The following RBM44 variants were observed in gnomAD, a reference collection of about 807,000 sequenced individuals.
The protein encoded by RBM44 is RNA binding motif protein 44.
RBM44 carries 66 observed loss-of-function variants against 105.1 expected under a neutral mutation model. The observed-to-expected ratio is 0.63, with a 90% CI of 0.52 to 0.77. The LOEUF (loss-of-function observed/expected upper bound fraction) is 0.77, where lower values mean the gene tolerates loss of function less well. RBM44 is among the 30% of genes least tolerant of loss of function. The pLI is 0.00. For missense variants in RBM44, 1,122 were observed against 1,207.8 expected, an observed-to-expected ratio of 0.93 and a Z score of 1.05; for synonymous variants, 365 against 417.6, an observed-to-expected ratio of 0.87 and a Z score of 1.54.
At chr2:237,805,646 C>G (rs1386809676) in intron 1 of RBM44, among the ~76,000 whole-genome samples, 2 of 152,106 alleles carry the variant, frequency 1.3e-5, no homozygotes, top group African/African-American at 4.8e-5. Context: ...CAAAAATTAA[C>G]TGAAAATGAA....
Position 237,842,598 on chromosome 2 carries a change from A to C in RBM44, c.*782A>C, listed in dbSNP as rs1051024455. On this transcript the variant is annotated 3_prime_UTR_variant, in exon 16 of 16. Transcript: ENST00000316997. ...TATCTGATAGAAATATAGAATAGAT[A>C]GTTCTTTAATTGCTTACTTTTTAAA... The C allele has an allele frequency of 9.2e-5, 14 of 152,252 alleles. No individual in the cohort carries two copies. The highest frequency in any genetic ancestry group is 3.3e-4 in the Admixed American group (5 of 15,296). 9.4% of individuals were successfully genotyped at this position (152,252 alleles called of 1,614,324 possible). A position where few individuals can be genotyped will look rare whatever the true frequency, so the allele number is the denominator to read the frequency against.
chr2:237,826,409 TTATC>T (rs1317146262), intron 10 of RBM44, among the ~76,000 whole-genome samples: 14 of 152,178 alleles, frequency 9.2e-5, no homozygotes, highest in Non-Finnish European at 1.8e-4. Flanking sequence ...AGAAAAATAT[TTATC>T]TATAATCCTA....
In RBM44 at chr2:237,827,232, A is replaced by G. The variant is rs1389418981; in HGVS notation, c.2450-18A>G. 4 of 1,357,880 alleles carry G rather than the reference A, an allele frequency of 2.9e-6. No individual in the cohort carries two copies. The highest frequency in any genetic ancestry group is 2.0e-5 in the Admixed American group (1 of 51,242). 84.1% of individuals were successfully genotyped at this position (1,357,880 alleles called of 1,614,324 possible). A position where few individuals can be genotyped will look rare whatever the true frequency, so the allele number is the denominator to read the frequency against. On this transcript the variant is annotated intron_variant, in intron 10 of 15. Transcript: ENST00000316997. ...GTACAATAAAGATCATTTCTGTTAC[A>G]TGTTTTTCTCTAAGCAGAAATGAAG... is the stretch of plus-strand genomic sequence containing the variant.
At chr2:237,829,565 G>A (rs1376315306) in intron 13 of RBM44, 63 bp downstream of exon 13, 2 of 1,402,362 alleles carry the variant, frequency 1.4e-6, no homozygotes, top group African/African-American at 2.9e-5. Flanking sequence ...AAGTAGCTTT[G>A]TAGAATAAAT....
chr2:237,838,606 C>T (rs1426680539), intron 15 of RBM44, among the ~76,000 whole-genome samples: 1 of 152,104 alleles, frequency 6.6e-6, no homozygotes, highest in Non-Finnish European at 1.5e-5. Context: ...AAACACCTTG[C>T]AGTTTGGGAA....
chr2:237,827,333 T>C lies in RBM44; in HGVS notation c.2529+4T>C. The C allele has an allele frequency of 6.5e-7, 1 of 1,549,430 alleles. No homozygotes were observed. Among genetic ancestry groups the C allele is most frequent in the South Asian group, 1.2e-5 (1 of 85,164 alleles). Reference sequence around the variant, plus strand: ...CCTCTGCCCTTCAGTATCTGAGGTATACCAGGATTATTTTTTTGAGCTTCA... The same window carrying C: ...CCTCTGCCCTTCAGTATCTGAGGTACACCAGGATTATTTTTTTGAGCTTCA... On this transcript the variant is annotated splice_donor_region_variant and intron_variant, in intron 11 of 15. Coordinates refer to ENST00000316997, the MANE Select transcript of RBM44 (RefSeq NM_001080504.3).
rs759696484 is a variant in RBM44, at chr2:237,834,387, T to C, written c.3142T>C (p.Ser1048Pro). ...VEMTSSLLKN[S>P]ASS The stretch of plus-strand genomic sequence containing the variant: ...GATGACTTCATCTCTTCTGAAAAAC[T>C]CTGCTTCCAGTTAGGAATTCAAAAA... The change falls in exon 15 of 16, where the codon TCT becomes CCT. Residue 1048 changes from serine (S) to proline (P), a missense_variant. This residue lies in a region of RBM44 where 194 missense variants were observed against 225.5 expected (regional missense o/e 0.86). Coordinates refer to ENST00000316997, the MANE Select transcript of RBM44 (RefSeq NM_001080504.3). 6.6e-7 allele frequency: 1 copy of C among 1,522,090 alleles called. No individual in the cohort carries two copies. The highest frequency in any genetic ancestry group is 1.3e-5 in the South Asian group (1 of 75,814). 94.3% of individuals were successfully genotyped at this position (1,522,090 alleles called of 1,614,324 possible). A position where few individuals can be genotyped will look rare whatever the true frequency, so the allele number is the denominator to read the frequency against.
intron 15 of RBM44, among the ~76,000 whole-genome samples, chr2:237,838,812 T>C (rs1183932375): frequency 2.0e-5 from 3 of 152,162 alleles, no homozygotes; most frequent in African/African-American, 7.2e-5. Context: ...CAAAAGTCCT[T>C]TTCCAGTGGA....
At chr2:237,827,390 G>A in intron 11 of RBM44, 43 bp from the exon 12 acceptor site, 1 of 1,464,154 alleles carries the variant, frequency 6.8e-7, no homozygotes, top group Admixed American at 2.1e-5. Context: ...CATATTTGTT[G>A]TTTTTTTCTA....
chr2:237,809,558 T>C (rs1374414791), intron 1 of RBM44, among the ~76,000 whole-genome samples: 1 of 152,228 alleles, frequency 6.6e-6, no homozygotes, highest in Non-Finnish European at 1.5e-5. Context: ...TCTCCTTTGT[T>C]GGTTCCTCTT....
At chr2:237,814,585 T>TA (rs1475354764) in intron 2 of RBM44, among the ~76,000 whole-genome samples, 1 of 152,066 alleles carries the variant, frequency 6.6e-6, no homozygotes, top group African/African-American at 2.4e-5. Context: ...GGAAAAAACT[T>TA]ACCAGATATA....
chr2:237,827,365 A>T, intron 11 of RBM44, 36 bp downstream of exon 11: 3 of 1,473,106 alleles, frequency 2.0e-6, no homozygotes, highest in Non-Finnish European at 2.8e-6. Flanking sequence ...TTCATTTTCA[A>T]ATTTATTAGT....
Position 237,803,231 on chromosome 2 carries a change from C to G in RBM44, c.-19+4370C>G, listed in dbSNP as rs1276691195. Reference sequence around the variant, plus strand: ...GCAGTGAGCCAAGATCACACCACTGCACTCCAGCCTGGGCGACAGAGCGAG... The same window carrying G: ...GCAGTGAGCCAAGATCACACCACTGGACTCCAGCCTGGGCGACAGAGCGAG... On this transcript the variant is annotated intron_variant, in intron 1 of 15. Transcript: ENST00000316997. The surrounding 1 kb of genome is among the most constrained non-coding windows in gnomAD (Gnocchi z 4.2). 6.6e-6 allele frequency among the ~76,000 whole-genome samples: 1 copy of G among 151,992 alleles called. No homozygotes were observed. Among genetic ancestry groups the G allele is most frequent in the African/African-American group, 2.4e-5 (1 of 41,362 alleles).
chr2:237,801,343 A>G (rs2061544468), intron 1 of RBM44, among the ~76,000 whole-genome samples: 2 of 152,152 alleles, frequency 1.3e-5, no homozygotes, highest in South Asian at 4.1e-4. Context: ...ATATACACAC[A>G]ATATTTTGAA....
chr2:237,822,626 TCA>T (rs2061805264), intron 8 of RBM44, among the ~76,000 whole-genome samples: 1 of 152,088 alleles, frequency 6.6e-6, no homozygotes, highest in African/African-American at 2.4e-5. Flanking sequence ...TTAAAAAATC[TCA>T]GTTATCCACA....
Position 237,816,975 on chromosome 2 carries a change from T to C in RBM44, c.74-18T>C. ...TCTGTAATGTTGCTGTTAATGTTTTTATCCTTTTTTTAATCAGATAAACCT... is the reference window on the plus strand; with the variant it reads ...TCTGTAATGTTGCTGTTAATGTTTTCATCCTTTTTTTAATCAGATAAACCT... On this transcript the variant is annotated intron_variant, in intron 2 of 15. Coordinates refer to ENST00000316997, the MANE Select transcript of RBM44 (RefSeq NM_001080504.3). 7.1e-7 allele frequency: 1 copy of C among 1,410,810 alleles called. No individual in the cohort carries two copies. Among genetic ancestry groups the C allele is most frequent in the Non-Finnish European group, 9.5e-7 (1 of 1,049,722 alleles). The allele number at this position is 1,410,810 out of a possible 1,614,324, so 87.4% of individuals were successfully genotyped here.
At chr2:237,806,760 G>C (rs2061603041) in intron 1 of RBM44, among the ~76,000 whole-genome samples, 1 of 152,140 alleles carries the variant, frequency 6.6e-6, no homozygotes, top group South Asian at 2.1e-4. Flanking sequence ...TGTATTTGTA[G>C]TTACAGACTG....
intron 13 of RBM44, among the ~76,000 whole-genome samples, chr2:237,829,878 C>T (rs190532166): frequency 6.6e-6 from 1 of 152,218 alleles, no homozygotes; most frequent in African/African-American, 2.4e-5. Flanking sequence ...CATATATTCT[C>T]ATGTCTCTCT....
chr2:237,836,333 G>A (rs2061959197), intron 15 of RBM44, among the ~76,000 whole-genome samples: 1 of 152,086 alleles, frequency 6.6e-6, no homozygotes, highest in Non-Finnish European at 1.5e-5. Flanking sequence ...TTTAGAGATA[G>A]GGTCTTGCTA....
Sources: gnomAD v4.1 joint callset for allele counts (sites outside exome capture counted in the v4.1 genomes callset) on GRCh38, gnomAD v4.1.1 for gene constraint, gnomAD v4.1.1 regional missense constraint, Gnocchi (gnomAD v3.1) non-coding constraint, MANE v1.5 for transcripts, NCBI Gene and HGNC (gene_info 2026-07-23, HGNC 2026-07-21) for gene names.